CCDC40: variants seen among roughly 807,000 people sequenced by gnomAD.
CCDC40 encodes coiled-coil domain 40 molecular ruler complex subunit.
A neutral mutation model predicts 124.5 loss-of-function variants in CCDC40; 104 were observed. The ratio of observed to expected loss-of-function variants is 0.84; its 90% CI spans 0.71 to 0.98. The LOEUF (loss-of-function observed/expected upper bound fraction) is 0.98. Ranked by LOEUF, CCDC40 falls within the 50% of genes least tolerant of loss-of-function variation. The pLI, the probability that CCDC40 is intolerant of heterozygous loss-of-function variation, is 0.00. For synonymous variants in CCDC40, 580 were observed against 602.9 expected, an observed-to-expected ratio of 0.96 and a Z score of 0.56; for missense variants, 1,463 against 1,503.9, an observed-to-expected ratio of 0.97 and a Z score of 0.45.
intron 10 of CCDC40, among the ~76,000 whole-genome samples, chr17:80,071,945 T>G (rs890795577): frequency 6.7e-6 from 1 of 149,754 alleles, no homozygotes; most frequent in Non-Finnish European, 1.5e-5. Flanking sequence ...CAAGTGATTC[T>G]CCTGCCTCAG....
intron 1 of CCDC40, 75 bp downstream of exon 1, chr17:80,036,766 C>T (rs967971099): frequency 5.8e-6 from 8 of 1,376,092 alleles, no homozygotes; most frequent in Non-Finnish European, 6.7e-6. Context: ...AGGTGGCCCC[C>T]GCGTCGGCTC....
Position 80,038,185 on chromosome 17 carries a change from T to C in CCDC40, c.92T>C (p.Met31Thr), listed in dbSNP as rs2037178937. 1.3e-6 allele frequency: 2 copies of C among 1,596,402 alleles called. No homozygotes were observed. The change falls in exon 2 of 20, where the codon ATG becomes ACG. Residue 31 changes from methionine (M) to threonine (T), a missense_variant and splice_region_variant. By Grantham distance (81) the Met-to-Thr change is moderately conservative (BLOSUM62 -1). Coordinates refer to ENST00000397545, the MANE Select transcript of CCDC40 (RefSeq NM_017950.4). ...GEKEGNNESH[M>T]VSPPEKDDGQ... The stretch of plus-strand genomic sequence containing the variant: ...AAGGAAGGGAATAATGAAAGCCACA[T>C]GGTAAAATTCCCTATGGGCAGTTAT...
rs367596393 is a variant in CCDC40 at position 80,087,769 on chromosome 17, C to T, written c.2612C>T (p.Ser871Leu). ...GTGACAGAGAATGAGTTCGTGCGCT[C>T]GCTGAAGGTCCGGCCGTGTCCACGC... ...NRVTENEFVR[S>L]LKASERETIK... The change falls in exon 15 of 20, where the codon TCG becomes TTG. Residue 871 changes from serine (S) to leucine (L), a missense_variant. Ser to Leu is a moderately radical substitution (Grantham distance 145). Coordinates refer to ENST00000397545, the MANE Select transcript of CCDC40 (RefSeq NM_017950.4). The surrounding 1 kb of genome is among the most constrained non-coding windows in gnomAD (Gnocchi z 4.5). 66 of 1,613,862 alleles carry T rather than the reference C, an allele frequency of 4.1e-5. No homozygotes were observed. Among genetic ancestry groups the T allele is most frequent in the East Asian group, 1.3e-4 (6 of 44,896 alleles).
rs369698429 is a variant in CCDC40 at position 80,050,175 on chromosome 17, C to T, written c.1051C>T (p.Arg351Cys). 4.5e-5 allele frequency: 72 copies of T among 1,613,164 alleles called. No individual in the cohort carries two copies. Among genetic ancestry groups the T allele is most frequent in the South Asian group, 9.9e-5 (9 of 91,062 alleles). ...LQKLLEKSHD[R>C]HAMASSERRQ... ...GAAGCTGCTGGAGAAGAGTCACGAC[C>T]GCCACGCAATGGCCTCGAGCGAGCG... The change falls in exon 7 of 20, where the codon CGC becomes TGC. Residue 351 changes from arginine (R) to cysteine (C), a missense_variant. Coordinates refer to ENST00000397545, the MANE Select transcript of CCDC40 (RefSeq NM_017950.4).
At chr17:80,059,488 TAAAA>T (rs538629976) in intron 9 of CCDC40, among the ~76,000 whole-genome samples, 3,511 of 120,834 alleles carry the variant, frequency 0.029, 173 homozygotes, top group African/African-American at 0.096. Context: ...TACTGCAACT[TAAAA>T]AAAAAAAAAA....
chr17:80,072,054 G>A (rs1367137081), intron 10 of CCDC40, among the ~76,000 whole-genome samples: 1 of 151,982 alleles, frequency 6.6e-6, no homozygotes, highest in Admixed American at 6.6e-5. Flanking sequence ...GGCCAGGCTG[G>A]TCTTGAACTC....
At position 80,066,394 on chromosome 17, in the gene CCDC40, A is replaced by C; in HGVS notation, c.1562+788A>C. 1 of 547,730 alleles carries C rather than the reference A, an allele frequency of 1.8e-6. No individual in the cohort carries two copies. 33.9% of individuals were successfully genotyped at this position (547,730 alleles called of 1,614,324 possible). On this transcript the variant is annotated intron_variant, in intron 10 of 19. Transcript: ENST00000397545. This position sits in a 1 kb window ranked among gnomAD's most constrained non-coding sequence, Gnocchi z 4.4. ...TTTGGGTGCTGTGATTAAAGAAACA[A>C]AATGAAACCATTTTGTTTTTAAAAG...
At chr17:80,051,666 C>T (rs1205965962) in intron 7 of CCDC40, among the ~76,000 whole-genome samples, 4 of 149,658 alleles carry the variant, frequency 2.7e-5, no homozygotes, top group Admixed American at 2.6e-4. Flanking sequence ...AAAAAAGAAC[C>T]TCTCTCCAGT....
chr17:80,095,806 C>T (rs934648802), intron 18 of CCDC40, among the ~76,000 whole-genome samples: 10 of 152,228 alleles, frequency 6.6e-5, no homozygotes, highest in African/African-American at 2.4e-4. Flanking sequence ...TGTTTCAGCC[C>T]CTCCCTGCAT....
chr17:80,067,678 G>A, intron 10 of CCDC40: 1 of 1,535,890 alleles, frequency 6.5e-7, no homozygotes, highest in Non-Finnish European at 8.7e-7. Flanking sequence ...ATCCGCGAAT[G>A]CTAACGCTCA....
intron 7 of CCDC40, among the ~76,000 whole-genome samples, chr17:80,057,973 C>T (rs963086657): frequency 7.9e-5 from 12 of 152,158 alleles, no homozygotes; most frequent in African/African-American, 2.9e-4. Flanking sequence ...AAATCTGTCA[C>T]TTAACTTGGG....
At chr17:80,045,065 G>A (rs2037387443) in intron 3 of CCDC40, among the ~76,000 whole-genome samples, 2 of 152,202 alleles carry the variant, frequency 1.3e-5, no homozygotes, top group Admixed American at 1.3e-4. Flanking sequence ...TAATGTTGTT[G>A]TGGCTCCAGA....
chr17:80,089,609 G>C, intron 16 of CCDC40, 155 bp from the exon 17 acceptor site: 2 of 863,218 alleles, frequency 2.3e-6, no homozygotes, highest in South Asian at 2.8e-5. Flanking sequence ...GCCCAGTAGT[G>C]AACACTTCAG....
chr17:80,037,985 G>A, intron 1 of CCDC40, 138 bp from the exon 2 acceptor site: 1 of 670,480 alleles, frequency 1.5e-6, no homozygotes, highest in East Asian at 3.0e-5. Context: ...TGACAAACAG[G>A]ACAAAGACGT....
In CCDC40 at chr17:80,040,132, C is replaced by T. The variant is rs972409552; in HGVS notation, c.414C>T (p.Leu138=). ...AYDSVSGEAG[L]QGFQQEATGP... is the part of the protein sequence containing the mutation. ...ATAGTGTTAGCGGGGAGGCTGGTCT[C>T]CAAGGCTTCCAGCAAGAGGCCACCG... Residue 138 remains leucine (L), a synonymous_variant, in exon 3 of 20, where the codon CTC becomes CTT. Transcript: ENST00000397545. 6 of 1,614,012 alleles carry T rather than the reference C, an allele frequency of 3.7e-6. No homozygotes were observed. The highest frequency in any genetic ancestry group is 1.3e-5 in the African/African-American group (1 of 74,920).
chr17:80,087,752 G>GAATGA lies in CCDC40; in HGVS notation c.2596_2600dup (p.Phe868MetfsTer7), dbSNP rs2038617556. On this transcript the variant is annotated frameshift_variant, in exon 15 of 20. Coordinates refer to ENST00000397545, the MANE Select transcript of CCDC40 (RefSeq NM_017950.4). LOFTEE classifies it high-confidence loss of function. This position sits in a 1 kb window ranked among gnomAD's most constrained non-coding sequence, Gnocchi z 4.5. ...TGGAGCAGAACAACCGGGTGACAGA[G>GAATGA]AATGAGTTCGTGCGCTCGCTGAAGG... 1 of 1,614,034 alleles carries GAATGA rather than the reference G, an allele frequency of 6.2e-7. No homozygotes were observed. Among genetic ancestry groups the GAATGA allele is most frequent in the Admixed American group, 1.7e-5 (1 of 60,010 alleles).
rs1399887889 is a variant in CCDC40 at position 80,037,690 on chromosome 17, GATATACATATAT to G, written c.30-427_30-416del. On this transcript the variant is annotated intron_variant, in intron 1 of 19. Coordinates refer to ENST00000397545, the MANE Select transcript of CCDC40 (RefSeq NM_017950.4). ...CTTGAATCTTTAATTTTTTAAAAAA[GATATACATATAT>G]ATATATATATATATATATTCCTGTG... 3.3e-3 allele frequency among the ~76,000 whole-genome samples: 304 copies of G among 92,090 alleles called. 20 individuals are homozygous for G. Among genetic ancestry groups the G allele is most frequent in the Non-Finnish European group, 3.4e-3 (158 of 45,972 alleles). The allele number at this position is 92,090 out of a possible 152,430, so 60.4% of individuals were successfully genotyped here.
At chr17:80,097,204 C>T in intron 18 of CCDC40, 41 bp from the exon 19 acceptor site, 1 of 1,611,108 alleles carries the variant, frequency 6.2e-7, no homozygotes, top group Non-Finnish European at 8.5e-7. Context: ...CGCCAAGTAG[C>T]CGGGCTGCAG....
Position 80,039,863 on chromosome 17 carries a change from A to G in CCDC40, c.145A>G (p.Ser49Gly). The G allele has an allele frequency of 6.2e-7, 1 of 1,613,978 alleles. No homozygotes were observed. The highest frequency in any genetic ancestry group is 8.5e-7 in the Non-Finnish European group (1 of 1,179,982). ...CCAGAAAGGTGAAGAAGCTGTCGGTAGCACAGAGCATCCTGAGGAAGTCAC... is the reference window on the plus strand; with the variant it reads ...CCAGAAAGGTGAAGAAGCTGTCGGTGGCACAGAGCATCCTGAGGAAGTCAC... ...DGQKGEEAVGSTEHPEEVTTQ... is the reference protein window; with the variant it reads ...DGQKGEEAVGGTEHPEEVTTQ... Residue 49 changes from serine (S) to glycine (G), a missense_variant, in exon 3 of 20, where the codon AGC becomes GGC. Ser to Gly is a moderately conservative substitution (Grantham distance 56). Transcript: ENST00000397545.
Sources: gnomAD v4.1 joint callset for allele counts (sites outside exome capture counted in the v4.1 genomes callset) on GRCh38, gnomAD v4.1.1 for gene constraint, Gnocchi (gnomAD v3.1) non-coding constraint, MANE v1.5 for transcripts, NCBI Gene and HGNC (gene_info 2026-07-23, HGNC 2026-07-21) for gene names.